C12orf42: variants seen among roughly 807,000 people sequenced by gnomAD.
C12orf42 encodes uncharacterized protein C12orf42.
In C12orf42, 25 loss-of-function variants were observed where a neutral mutation model predicts 21.6. The observed-to-expected ratio is 1.16, with a 90% CI of 0.84 to 1.62. C12orf42 has a LOEUF of 1.62. Ranked by LOEUF, C12orf42 falls within the 40% of genes most tolerant of loss-of-function variation. The pLI, the probability that C12orf42 is intolerant of heterozygous loss-of-function variation, is 0.00. For synonymous variants in C12orf42, 174 were observed against 175.0 expected, an observed-to-expected ratio of 0.99 and a Z score of 0.05; for missense variants, 483 against 459.3, an observed-to-expected ratio of 1.05 and a Z score of -0.47.
At chr12:103,091,101 C>A in the C12orf42 span, among the ~76,000 whole-genome samples, 1 of 151,970 alleles carries the variant, frequency 6.6e-6, no homozygotes, top group African/African-American at 2.4e-5. Context: ...GAATCTATAG[C>A]CAGTAATTAT....
At chr12:103,485,522 G>A (rs1954773647) in intron 1 of C12orf42, among the ~76,000 whole-genome samples, 1 of 152,190 alleles carries the variant, frequency 6.6e-6, no homozygotes, top group South Asian at 2.1e-4. Flanking sequence ...ATCACTGGTA[G>A]CTTGATGGGG....
chr12:103,490,720 G>T (rs1955132127), intron 1 of C12orf42, among the ~76,000 whole-genome samples: 1 of 151,566 alleles, frequency 6.6e-6, no homozygotes, highest in Non-Finnish European at 1.5e-5. Flanking sequence ...TATGATAATT[G>T]CTTTCATATT....
intron 2 of C12orf42, among the ~76,000 whole-genome samples, chr12:103,473,603 T>C (rs375083471): frequency 1.6e-4 from 24 of 152,228 alleles, no homozygotes; most frequent in Non-Finnish European, 2.2e-4. Flanking sequence ...CATGTTTCTA[T>C]AGTACAGGCA....
the C12orf42 span, among the ~76,000 whole-genome samples, chr12:103,535,231 T>A: frequency 6.6e-6 from 1 of 152,168 alleles, no homozygotes; most frequent in South Asian, 2.1e-4. Flanking sequence ...GAAGAAAAGT[T>A]GCCTCAGATG....
At chr12:103,281,915 A>AAG (rs1555243152) in intron 4 of C12orf42, among the ~76,000 whole-genome samples, 34 of 141,828 alleles carry the variant, frequency 2.4e-4, no homozygotes, top group African/African-American at 8.5e-4. Context: ...AGAAGAAAGA[A>AAG]AAAGAAAGAA....
At chr12:103,252,271 T>C (rs769891790) in intron 10 of C12orf42, among the ~76,000 whole-genome samples, 43 of 152,332 alleles carry the variant, frequency 2.8e-4, no homozygotes, top group Middle Eastern at 3.4e-3. Context: ...CATAGGTCTT[T>C]ATAGTAGAAT....
chr12:103,450,558 A>T lies in C12orf42; in HGVS notation c.78+27791T>A, dbSNP rs1342216053. Reference sequence around the variant, plus strand: ...CAGTGCATCAGTTATCTATTGATGCATTCACAGCATTGTTCCACAGCAATT... The same window carrying T: ...CAGTGCATCAGTTATCTATTGATGCTTTCACAGCATTGTTCCACAGCAATT... On this transcript the variant is annotated intron_variant, in intron 2 of 5. Coordinates refer to ENST00000548883, the MANE Select transcript of C12orf42 (RefSeq NM_198521.5). 3.3e-5 allele frequency among the ~76,000 whole-genome samples: 5 copies of T among 152,114 alleles called. No homozygotes were observed. The East Asian group carries it at 7.7e-4, about 23-fold the overall frequency.
At chr12:103,507,163 T>A in the C12orf42 span, among the ~76,000 whole-genome samples, 1 of 26,156 alleles carries the variant, frequency 3.8e-5, no homozygotes, top group Non-Finnish European at 5.1e-5. Flanking sequence ...TATATATATA[T>A]AATATATATT....
At chr12:103,384,886 G>A (rs955759552) in intron 3 of C12orf42, among the ~76,000 whole-genome samples, 18 of 152,214 alleles carry the variant, frequency 1.2e-4, no homozygotes, top group Non-Finnish European at 2.2e-4. Flanking sequence ...ACCTAGGTTC[G>A]TGTCTGAAGT....
At chr12:103,126,673 A>T in the C12orf42 span, among the ~76,000 whole-genome samples, 1 of 152,188 alleles carries the variant, frequency 6.6e-6, no homozygotes, top group Non-Finnish European at 1.5e-5. Flanking sequence ...CTAAAAAAAA[A>T]AAAAGGAGAC....
chr12:103,189,379 C>A, the C12orf42 span, among the ~76,000 whole-genome samples: 1 of 152,148 alleles, frequency 6.6e-6, no homozygotes, highest in African/African-American at 2.4e-5. Flanking sequence ...GAGATGTCAG[C>A]AGGATAGAGA....
chr12:103,081,625 G>T, the C12orf42 span: 2 of 152,156 alleles, frequency 1.3e-5, no homozygotes, highest in African/African-American at 4.8e-5. Context: ...AAGATAGTTT[G>T]TCTGGGTATA....
chr12:103,371,402 C>T (rs1030402215), intron 3 of C12orf42, among the ~76,000 whole-genome samples: 1 of 152,126 alleles, frequency 6.6e-6, no homozygotes, highest in Admixed American at 6.6e-5. Context: ...GAGACCCAAT[C>T]CAGTTGTACC....
At chr12:103,088,456 T>C in the C12orf42 span, among the ~76,000 whole-genome samples, 1 of 152,196 alleles carries the variant, frequency 6.6e-6, no homozygotes, top group African/African-American at 2.4e-5. Context: ...TAGACTGATA[T>C]GTGGAGAATT....
chr12:103,493,932 T>G (rs1250432417), intron 1 of C12orf42, among the ~76,000 whole-genome samples: 1 of 152,206 alleles, frequency 6.6e-6, no homozygotes, highest in African/African-American at 2.4e-5. Flanking sequence ...TCAAGATAAG[T>G]CATCTTTCTT....
intron 4 of C12orf42, among the ~76,000 whole-genome samples, chr12:103,336,351 T>G (rs1053449203): frequency 4.6e-5 from 7 of 152,204 alleles, no homozygotes; most frequent in African/African-American, 1.7e-4. Flanking sequence ...TCCACACACT[T>G]TTAGTCAGAA....
chr12:103,222,040 A>G, the C12orf42 span, among the ~76,000 whole-genome samples: 2 of 152,334 alleles, frequency 1.3e-5, no homozygotes, highest in South Asian at 2.1e-4. Flanking sequence ...GAGGTAAGCC[A>G]TAGGAAGGGC....
At chr12:103,430,509 T>C (rs1457477517) in intron 2 of C12orf42, among the ~76,000 whole-genome samples, 1 of 152,158 alleles carries the variant, frequency 6.6e-6, no homozygotes, top group Non-Finnish European at 1.5e-5. Flanking sequence ...TTTTACACTG[T>C]TGGTGGGAGT....
At chr12:103,349,019 T>C (rs908350696) in intron 4 of C12orf42, 1 of 152,196 alleles carries the variant, frequency 6.6e-6, no homozygotes, top group Non-Finnish European at 1.5e-5. Flanking sequence ...AAGTAAGTCA[T>C]CCTTTTCCCA....
Sources: allele counts gnomAD v4.1 joint callset (sites outside exome capture counted in the v4.1 genomes callset), GRCh38; gene constraint gnomAD v4.1.1; transcripts MANE v1.5; gene names NCBI Gene and HGNC (gene_info 2026-07-23, HGNC 2026-07-21).